UMAD1: variants seen among roughly 807,000 people sequenced by gnomAD.
UMAD1 encodes UBAP1-MVB12-associated (UMA)-domain containing protein 1.
UMAD1 carries 8 observed loss-of-function variants against 6.1 expected under a neutral mutation model. The ratio of observed to expected loss-of-function variants is 1.30; its 90% CI spans 0.76 to 2.35. UMAD1 has a LOEUF of 2.35. Ranked by LOEUF, UMAD1 falls within the 30% of genes most tolerant of loss-of-function variation. The pLI is 0.00. For synonymous variants in UMAD1, 56 were observed against 31.4 expected, an observed-to-expected ratio of 1.78 and a Z score of -2.61; for missense variants, 130 against 78.4, an observed-to-expected ratio of 1.66 and a Z score of -2.49.
chr7:7,784,534 A>C (rs1000866002), intron 2 of UMAD1, among the ~76,000 whole-genome samples: 1 of 148,308 alleles, frequency 6.7e-6, no homozygotes, highest in Non-Finnish European at 1.5e-5. Context: ...TTAAGTAGAG[A>C]TGAGGTTTCA....
intron 3 of UMAD1, among the ~76,000 whole-genome samples, chr7:7,813,658 G>A (rs1583844777): frequency 6.6e-6 from 1 of 152,230 alleles, no homozygotes; most frequent in South Asian, 2.1e-4. Context: ...GTTGGTAAAT[G>A]GTTGTATAAC....
At chr7:7,660,320 A>G (rs1281977579) in intron 1 of UMAD1, among the ~76,000 whole-genome samples, 2 of 152,172 alleles carry the variant, frequency 1.3e-5, no homozygotes, top group Non-Finnish European at 2.9e-5. Flanking sequence ...TAATAATGTT[A>G]TGTGTGAATT....
intron 3 of UMAD1, among the ~76,000 whole-genome samples, chr7:7,803,993 T>C (rs1041769966): frequency 2.0e-5 from 3 of 152,248 alleles, no homozygotes; most frequent in African/African-American, 4.8e-5. Context: ...TAAGGAAAGA[T>C]GCTTTTAAGA....
intron 3 of UMAD1, among the ~76,000 whole-genome samples, chr7:7,834,209 G>T (rs994724601): frequency 6.6e-6 from 1 of 151,386 alleles, no homozygotes; most frequent in African/African-American, 2.4e-5. Context: ...TTTTATTAGA[G>T]GCGGGGTTTC....
chr7:7,835,500 T>TTTTTTA (rs776524699), intron 3 of UMAD1, among the ~76,000 whole-genome samples: 10 of 102,446 alleles, frequency 9.8e-5, no homozygotes, highest in South Asian at 3.2e-4. Flanking sequence ...TTTTTTTTTT[T>TTTTTTA]AGCTCTTAGC....
At chr7:7,690,840 G>T (rs1317595006) in intron 2 of UMAD1, among the ~76,000 whole-genome samples, 1 of 152,058 alleles carries the variant, frequency 6.6e-6, no homozygotes, top group African/African-American at 2.4e-5. Context: ...GCTAAAGTTG[G>T]GTTAAATTTT....
intron 2 of UMAD1, among the ~76,000 whole-genome samples, chr7:7,761,157 G>T (rs1429702389): frequency 1.3e-5 from 2 of 152,006 alleles, no homozygotes; most frequent in African/African-American, 4.8e-5. Flanking sequence ...TTGAGCCCAG[G>T]AATTCAAGTT....
chr7:7,826,885 A>G (rs1022594690), intron 3 of UMAD1, among the ~76,000 whole-genome samples: 1 of 152,152 alleles, frequency 6.6e-6, no homozygotes, highest in Non-Finnish European at 1.5e-5. Flanking sequence ...TAACAATTCA[A>G]ATTTTGCCTT....
intron 3 of UMAD1, among the ~76,000 whole-genome samples, chr7:7,840,857 G>A (rs73057742): frequency 0.037 from 5,651 of 152,238 alleles, 190 homozygotes; most frequent in Non-Finnish European, 0.047. Flanking sequence ...CTGAATTGAC[G>A]TTCTACAGTT....
intron 2 of UMAD1, chr7:7,742,111 C>T (rs762270085): frequency 2.1e-4 from 124 of 594,512 alleles, no homozygotes; most frequent in Non-Finnish European, 3.1e-4. Flanking sequence ...AGTTTGGCAA[C>T]ATCCAAAGCA....
At position 7,801,584 on chromosome 7, in the gene UMAD1, C is replaced by T. The variant is rs139249326; in HGVS notation, c.83-86C>T. On this transcript the variant is annotated intron_variant, in intron 2 of 3. Transcript: ENST00000682710. ...TTCCATGATGTGAAACATATAATAA[C>T]AAAAGATACTTCAAACAAATAGCAA... 318 of 652,246 alleles carry T rather than the reference C, an allele frequency of 4.9e-4. No homozygotes were observed. The African/African-American group carries it at 5.3e-3, about 11-fold the overall frequency. 40.4% of individuals were successfully genotyped at this position (652,246 alleles called of 1,614,324 possible).
chr7:7,644,494 C>T (rs1490930380), intron 1 of UMAD1, among the ~76,000 whole-genome samples: 1 of 151,944 alleles, frequency 6.6e-6, no homozygotes, highest in Non-Finnish European at 1.5e-5. Context: ...TTCTATTTTT[C>T]CTAAAATGTT....
At chr7:7,762,681 GCAGA>G (rs985155362) in intron 2 of UMAD1, among the ~76,000 whole-genome samples, 1 of 152,158 alleles carries the variant, frequency 6.6e-6, no homozygotes, top group Non-Finnish European at 1.5e-5. Flanking sequence ...ATAATATAGT[GCAGA>G]CAGAGACAGG....
At chr7:7,677,466 A>G (rs1779771062) in intron 2 of UMAD1, among the ~76,000 whole-genome samples, 1 of 151,868 alleles carries the variant, frequency 6.6e-6, no homozygotes, top group Non-Finnish European at 1.5e-5. Context: ...GTTCAATTTG[A>G]AAAAAACTGA....
intron 2 of UMAD1, among the ~76,000 whole-genome samples, chr7:7,715,006 A>G (rs1780861519): frequency 6.6e-6 from 1 of 152,146 alleles, no homozygotes; most frequent in Admixed American, 6.5e-5. Context: ...GGCAGCAATG[A>G]AACTAGAACT....
At chr7:7,666,713 A>G (rs1212089008) in intron 1 of UMAD1, among the ~76,000 whole-genome samples, 1 of 151,862 alleles carries the variant, frequency 6.6e-6, no homozygotes, top group Non-Finnish European at 1.5e-5. Flanking sequence ...GAGTTTTAAG[A>G]GTTCTTTATA....
At chr7:7,850,906 A>G (rs76452007) in intron 3 of UMAD1, among the ~76,000 whole-genome samples, 5,774 of 152,228 alleles carry the variant, frequency 0.038, 378 homozygotes, top group African/African-American at 0.13. Flanking sequence ...ATGGGTTGCA[A>G]TAAATTTTAA....
intron 2 of UMAD1, among the ~76,000 whole-genome samples, chr7:7,781,043 TA>T (rs940928798): frequency 5.9e-5 from 9 of 152,326 alleles, no homozygotes; most frequent in African/African-American, 2.2e-4. Context: ...ATTTACCAGC[TA>T]AAAGCTTATA....
At chr7:7,659,060 C>A (rs543829766) in intron 1 of UMAD1, among the ~76,000 whole-genome samples, 60 of 152,296 alleles carry the variant, frequency 3.9e-4, no homozygotes, top group African/African-American at 1.3e-3. Context: ...AGGAATTTAT[C>A]CATTTCTTCT....
Sources: gnomAD v4.1 joint callset for allele counts (sites outside exome capture counted in the v4.1 genomes callset) on GRCh38, gnomAD v4.1.1 for gene constraint, MANE v1.5 for transcripts, NCBI Gene and HGNC (gene_info 2026-07-23, HGNC 2026-07-21) for gene names.